PCDHGB1: variants seen among roughly 807,000 people sequenced by gnomAD.
PCDHGB1 encodes the protein protocadherin gamma subfamily B, 1.
In PCDHGB1, 34 loss-of-function variants were observed where a neutral mutation model predicts 56.6. That is an observed-to-expected ratio of 0.60 (90% CI 0.46 to 0.80). The LOEUF is 0.80. Ranked by LOEUF, PCDHGB1 falls within the 30% of genes least tolerant of loss-of-function variation. The pLI is 0.00. For missense variants in PCDHGB1, 1,278 were observed against 1,204.6 expected (o/e 1.06, Z -0.90); for synonymous variants, 561 against 505.9 (o/e 1.11, Z -1.46).
At chr5:141,384,983 T>C (rs944174966) in intron 1 of PCDHGB1, 1 of 1,614,026 alleles carries the variant, frequency 6.2e-7, no homozygotes, top group Non-Finnish European at 8.5e-7. Context: ...TACCTGGTGG[T>C]GGCGGTGGCC....
At chr5:141,430,628 C>A in intron 1 of PCDHGB1, 2 of 798,952 alleles carry the variant, frequency 2.5e-6, no homozygotes, top group Non-Finnish European at 3.7e-6. Context: ...TAGGAATGAA[C>A]CATCCCTGGG....
chr5:141,422,136 AGTACGGGG>A (rs772818860), intron 1 of PCDHGB1: 9 of 1,588,992 alleles, frequency 5.7e-6, no homozygotes, highest in Non-Finnish European at 7.7e-6. Flanking sequence ...GAGAAGTTCA[AGTACGGGG>A]GTCTCTGGAT....
chr5:141,483,637 G>C (rs1365525499), intron 1 of PCDHGB1, among the ~76,000 whole-genome samples: 2 of 145,762 alleles, frequency 1.4e-5, no homozygotes. Context: ...AAGGTATAGA[G>C]GGGTGTGTGT....
chr5:141,370,097 C>T (rs1368287584), intron 1 of PCDHGB1, among the ~76,000 whole-genome samples: 2 of 152,174 alleles, frequency 1.3e-5, no homozygotes. Flanking sequence ...AGTACACTGC[C>T]GATTTTTCTC....
At chr5:141,386,834 G>A (rs1253552836) in intron 1 of PCDHGB1, among the ~76,000 whole-genome samples, 1 of 152,192 alleles carries the variant, frequency 6.6e-6, no homozygotes, top group East Asian at 1.9e-4. Context: ...GCAATGGAGA[G>A]ACATAATCAC....
At chr5:141,366,162 C>T (rs1037452604) in intron 1 of PCDHGB1, 2 of 1,613,992 alleles carry the variant, frequency 1.2e-6, no homozygotes, top group African/African-American at 2.7e-5. Flanking sequence ...CTGCTTAAGG[C>T]CAGCGAGCCA....
chr5:141,403,788 A>G, intron 1 of PCDHGB1: 3 of 1,613,956 alleles, frequency 1.9e-6, no homozygotes, highest in South Asian at 1.1e-5. Context: ...AAAGTGGCAT[A>G]CAAATTCTGG....
At chr5:141,408,458 G>T (rs760881860) in intron 1 of PCDHGB1, 4 of 1,614,066 alleles carry the variant, frequency 2.5e-6, no homozygotes, top group South Asian at 2.2e-5. Flanking sequence ...GGACTTACTT[G>T]TGAAGAACCG....
intron 1 of PCDHGB1, chr5:141,403,365 T>A: frequency 6.2e-7 from 1 of 1,614,024 alleles, no homozygotes; most frequent in Non-Finnish European, 8.5e-7. Context: ...GCCGAAAGTC[T>A]GGAAGTAAAA....
At chr5:141,363,078 A>G (rs1338723050) in intron 1 of PCDHGB1, among the ~76,000 whole-genome samples, 1 of 152,256 alleles carries the variant, frequency 6.6e-6, no homozygotes. Flanking sequence ...TGGAATCACA[A>G]ATGTATTTCT....
intron 1 of PCDHGB1, chr5:141,357,241 T>G (rs1760519359): frequency 6.2e-7 from 1 of 1,613,712 alleles, no homozygotes; most frequent in Non-Finnish European, 8.5e-7. Context: ...CCTCAAGCCT[T>G]CAGCAGACCC....
intron 1 of PCDHGB1, chr5:141,440,019 G>A (rs747595475): frequency 6.5e-5 from 10 of 153,114 alleles, no homozygotes; most frequent in Non-Finnish European, 8.8e-5. Flanking sequence ...AAGGATCTGG[G>A]ACTCAGTGTC....
At chr5:141,355,372 G>A (rs554075435) in intron 1 of PCDHGB1, 1 of 1,614,030 alleles carries the variant, frequency 6.2e-7, no homozygotes, top group African/African-American at 1.3e-5. Context: ...GGCGCCCCGG[G>A]AGCTGGCGGA....
intron 1 of PCDHGB1, chr5:141,389,907 G>T (rs779604388): frequency 6.2e-7 from 1 of 1,614,082 alleles, no homozygotes; most frequent in Non-Finnish European, 8.5e-7. Context: ...GGATATCACT[G>T]ACCGCCCCGA....
chr5:141,461,255 G>A (rs1466460215), intron 1 of PCDHGB1, among the ~76,000 whole-genome samples: 1 of 152,098 alleles, frequency 6.6e-6, no homozygotes. Flanking sequence ...ATTCCCAGCA[G>A]CAATGTGTAA....
chr5:141,469,829 A>G (rs2099212486), intron 1 of PCDHGB1, among the ~76,000 whole-genome samples: 1 of 152,102 alleles, frequency 6.6e-6, no homozygotes, highest in African/African-American at 2.4e-5. Context: ...AGGTCACATA[A>G]AACTTATTCT....
intron 1 of PCDHGB1, chr5:141,355,944 C>A: frequency 6.2e-7 from 1 of 1,613,864 alleles, no homozygotes; most frequent in Non-Finnish European, 8.5e-7. Context: ...CCGAGTACCA[C>A]GTAAGTGTTC....
chr5:141,506,372 C>A (rs1243713695), intron 3 of PCDHGB1, among the ~76,000 whole-genome samples: 1 of 151,402 alleles, frequency 6.6e-6, no homozygotes, highest in Non-Finnish European at 1.5e-5. Context: ...TCGCTTGAAC[C>A]TGGGAGGTGG....
intron 1 of PCDHGB1, chr5:141,372,864 AT>A (rs1769140168): frequency 5.7e-6 from 8 of 1,393,446 alleles, no homozygotes; most frequent in Non-Finnish European, 6.7e-6. Context: ...CAATTCATTG[AT>A]TTAGAGATAA....
Sources: allele counts gnomAD v4.1 joint callset (sites outside exome capture counted in the v4.1 genomes callset), GRCh38; gene constraint gnomAD v4.1.1; transcripts MANE v1.5; gene names NCBI Gene and HGNC (gene_info 2026-07-23, HGNC 2026-07-21).